NEBL: variants seen among roughly 807,000 people sequenced by gnomAD.
NEBL encodes the protein LIM and SH3 protein 2.
NEBL carries 122 observed loss-of-function variants against 140.2 expected under a neutral mutation model. The observed-to-expected ratio is 0.87, with a 90% confidence interval of 0.75 to 1.01. The LOEUF (loss-of-function observed/expected upper bound fraction) is 1.01. Ranked by LOEUF, NEBL falls within the 50% of genes least tolerant of loss-of-function variation. The pLI, the probability that NEBL is intolerant of heterozygous loss-of-function variation, is 0.00. For synonymous variants in NEBL, 436 were observed against 398.9 expected (o/e 1.09, Z -1.11); for missense variants, 1,365 against 1,231.3 (o/e 1.11, Z -1.62).
At chr10:20,791,293 C>G (rs1466402161) in intron 26 of NEBL, among the ~76,000 whole-genome samples, 1 of 152,002 alleles carries the variant, frequency 6.6e-6, no homozygotes, top group African/African-American at 2.4e-5. Context: ...CTATTTTCTG[C>G]TTAATGGTTA....
At chr10:20,984,258 T>A (rs902359084) in intron 3 of NEBL, among the ~76,000 whole-genome samples, 3 of 152,158 alleles carry the variant, frequency 2.0e-5, no homozygotes, top group Non-Finnish European at 4.4e-5. Flanking sequence ...TAAAACAAAC[T>A]ATCGTGATGT....
At chr10:21,243,704 T>C (rs1159073572) in intron 3 of NEBL, among the ~76,000 whole-genome samples, 1 of 152,152 alleles carries the variant, frequency 6.6e-6, no homozygotes. Flanking sequence ...TTTATCCCCA[T>C]GAGGTAGGGG....
intron 3 of NEBL, among the ~76,000 whole-genome samples, chr10:21,219,025 A>G (rs576021423): frequency 6.6e-6 from 1 of 152,276 alleles, no homozygotes; most frequent in South Asian, 2.1e-4. Flanking sequence ...AATGCTTCCT[A>G]TTTGATTCTC....
At chr10:20,959,553 T>G (rs778058787) in intron 4 of NEBL, among the ~76,000 whole-genome samples, 11 of 152,076 alleles carry the variant, frequency 7.2e-5, no homozygotes, top group Non-Finnish European at 1.3e-4. Context: ...GAAAACCTAG[T>G]GAGGTAAGGG....
intron 4 of NEBL, among the ~76,000 whole-genome samples, chr10:20,942,478 T>C (rs905377779): frequency 5.3e-5 from 8 of 152,108 alleles, no homozygotes; most frequent in African/African-American, 1.9e-4. Context: ...ACTAAAACCA[T>C]AAAAACCCTA....
At chr10:20,857,340 T>A (rs892425596) in intron 9 of NEBL, among the ~76,000 whole-genome samples, 1 of 152,154 alleles carries the variant, frequency 6.6e-6, no homozygotes, top group Non-Finnish European at 1.5e-5. Flanking sequence ...GCCTATAGAT[T>A]TCTAAGTCTA....
chr10:21,161,608 T>C (rs1332446539), intron 2 of NEBL, among the ~76,000 whole-genome samples: 2 of 152,082 alleles, frequency 1.3e-5, no homozygotes, highest in African/African-American at 4.8e-5. Context: ...AATCCGCCCA[T>C]AATTAGTGAC....
At chr10:20,998,093 G>GA (rs1288401388) in intron 3 of NEBL, among the ~76,000 whole-genome samples, 1 of 152,142 alleles carries the variant, frequency 6.6e-6, no homozygotes, top group Non-Finnish European at 1.5e-5. Context: ...AGATCCTGGA[G>GA]AATTTTAAAC....
intron 2 of NEBL, among the ~76,000 whole-genome samples, chr10:21,166,219 CAAAAAAAAAAAAA>C (rs1170225891): frequency 2.3e-4 from 8 of 35,378 alleles, no homozygotes; most frequent in Admixed American, 4.2e-4. Context: ...GACTGTGTCT[CAAAAAAAAAAAAA>C]AAAAAAAAAA....
intron 3 of NEBL, among the ~76,000 whole-genome samples, chr10:21,016,441 AG>A (rs1315833574): frequency 6.6e-6 from 1 of 152,186 alleles, no homozygotes; most frequent in Non-Finnish European, 1.5e-5. Flanking sequence ...TCAGGAAGAG[AG>A]GGGGGGAAAT....
intron 2 of NEBL, among the ~76,000 whole-genome samples, chr10:21,028,679 C>T (rs1475915545): frequency 6.6e-6 from 1 of 150,792 alleles, no homozygotes; most frequent in Non-Finnish European, 1.5e-5. Context: ...TAAGTATAAT[C>T]ACAAAAAATG....
At chr10:20,822,335 T>C (rs1042640742) in intron 19 of NEBL, among the ~76,000 whole-genome samples, 1 of 151,948 alleles carries the variant, frequency 6.6e-6, no homozygotes, top group Non-Finnish European at 1.5e-5. Flanking sequence ...CTAATATATA[T>C]ATATGTTATC....
At chr10:20,882,675 C>G (rs1043427991) in intron 4 of NEBL, among the ~76,000 whole-genome samples, 9 of 151,828 alleles carry the variant, frequency 5.9e-5, no homozygotes, top group African/African-American at 1.7e-4. Context: ...GATAATATAC[C>G]TATCTAAAGG....
At chr10:20,792,244 T>C (rs1836071176) in intron 26 of NEBL, among the ~76,000 whole-genome samples, 2 of 151,452 alleles carry the variant, frequency 1.3e-5, no homozygotes, top group Non-Finnish European at 1.5e-5. Context: ...TTTGAAAAAA[T>C]CCAGAAAAAG....
intron 2 of NEBL, chr10:21,110,892 G>A: frequency 1.7e-6 from 1 of 587,296 alleles, no homozygotes; most frequent in Admixed American, 2.0e-5. Flanking sequence ...TGCCAACTTT[G>A]AAAATGTCTG....
intron 2 of NEBL, among the ~76,000 whole-genome samples, chr10:21,152,648 A>T (rs1206552216): frequency 6.6e-6 from 1 of 152,174 alleles, no homozygotes; most frequent in African/African-American, 2.4e-5. Flanking sequence ...ATTTCATCCA[A>T]ACTTCTAACT....
chr10:21,005,247 C>T (rs1838087872), intron 3 of NEBL, among the ~76,000 whole-genome samples: 1 of 152,154 alleles, frequency 6.6e-6, no homozygotes, highest in Non-Finnish European at 1.5e-5. Flanking sequence ...ATCCAATAAA[C>T]ATTTGCTAAA....
chr10:21,026,517 C>T (rs1275808008), intron 2 of NEBL, among the ~76,000 whole-genome samples: 1 of 152,156 alleles, frequency 6.6e-6, no homozygotes, highest in African/African-American at 2.4e-5. Context: ...CCACCATGGC[C>T]CCTTAATCTT....
intron 3 of NEBL, among the ~76,000 whole-genome samples, chr10:21,183,650 A>G (rs1001770008): frequency 6.6e-6 from 1 of 152,236 alleles, no homozygotes; most frequent in Non-Finnish European, 1.5e-5. Flanking sequence ...CTTGTGGTCA[A>G]CTAACTCTGC....
Sources: gnomAD v4.1 joint callset for allele counts (sites outside exome capture counted in the v4.1 genomes callset) on GRCh38, gnomAD v4.1.1 for gene constraint, MANE v1.5 for transcripts, NCBI Gene and HGNC (gene_info 2026-07-23, HGNC 2026-07-21) for gene names.